The following TTC29 variants were observed in gnomAD, a reference collection of about 807,000 sequenced individuals.
TTC29 encodes tetratricopeptide repeat protein 29.
TTC29 carries 49 observed loss-of-function variants against 58.1 expected under a neutral mutation model. That is an observed-to-expected ratio of 0.84 (90% CI 0.67 to 1.07). The LOEUF (loss-of-function observed/expected upper bound fraction) is 1.07. Among genes scored for constraint, TTC29 ranks in the 50% least tolerant of loss-of-function variants. The pLI, the probability that TTC29 is intolerant of heterozygous loss-of-function variation, is 0.00. For synonymous variants in TTC29, 209 were observed against 196.8 expected (o/e 1.06, Z -0.52); for missense variants, 582 against 555.6 (o/e 1.05, Z -0.48).
chr4:146,842,744 G>A (rs935689202), intron 8 of TTC29, among the ~76,000 whole-genome samples: 6 of 152,058 alleles, frequency 3.9e-5, no homozygotes, highest in African/African-American at 1.4e-4. Flanking sequence ...AATCCAAATT[G>A]TGTCATTTTA....
intron 11 of TTC29, among the ~76,000 whole-genome samples, chr4:146,783,984 T>TAAAG (rs1748816294): frequency 6.6e-6 from 1 of 151,782 alleles, no homozygotes; most frequent in Non-Finnish European, 1.5e-5. Flanking sequence ...CTAACCTTTC[T>TAAAG]AAAGACTTGT....
chr4:146,763,027 G>A (rs919260403), intron 11 of TTC29, among the ~76,000 whole-genome samples: 3 of 151,860 alleles, frequency 2.0e-5, no homozygotes, highest in Non-Finnish European at 4.4e-5. Context: ...TAATAGTTCT[G>A]CCCACCTGTT....
chr4:146,847,319 G>C (rs1227957400), intron 8 of TTC29, among the ~76,000 whole-genome samples: 4 of 152,170 alleles, frequency 2.6e-5, no homozygotes, highest in Non-Finnish European at 5.9e-5. Flanking sequence ...CTTCCCAGTA[G>C]AGTTTTGGCC....
At chr4:146,931,596 A>G (rs1735340409) in intron 4 of TTC29, among the ~76,000 whole-genome samples, 1 of 152,230 alleles carries the variant, frequency 6.6e-6, no homozygotes, top group Admixed American at 6.5e-5. Flanking sequence ...CAAGTTTTCA[A>G]CCACAGAAGG....
At chr4:146,851,677 C>T (rs1729525538) in intron 8 of TTC29, among the ~76,000 whole-genome samples, 2 of 152,104 alleles carry the variant, frequency 1.3e-5, no homozygotes, top group African/African-American at 4.8e-5. Context: ...AATAATATTA[C>T]TTTTTCTTTT....
At chr4:146,925,029 T>C (rs1734834097) in intron 4 of TTC29, among the ~76,000 whole-genome samples, 1 of 152,062 alleles carries the variant, frequency 6.6e-6, no homozygotes, top group African/African-American at 2.4e-5. Context: ...CAAAACTCTT[T>C]CTGCTATCAT....
intron 11 of TTC29, among the ~76,000 whole-genome samples, chr4:146,798,673 G>A (rs1251533810): frequency 4.6e-5 from 7 of 151,582 alleles, no homozygotes; most frequent in Non-Finnish European, 8.8e-5. Flanking sequence ...GGTGGATCAC[G>A]AGGTCAGATT....
At chr4:146,737,636 A>T (rs901774236) in intron 11 of TTC29, among the ~76,000 whole-genome samples, 1 of 147,274 alleles carries the variant, frequency 6.8e-6, no homozygotes, top group Non-Finnish European at 1.5e-5. Context: ...ATAGCCACTG[A>T]CTTTGGAGTG....
chr4:146,750,313 C>T (rs901462107), intron 11 of TTC29, among the ~76,000 whole-genome samples: 3 of 152,122 alleles, frequency 2.0e-5, no homozygotes, highest in Admixed American at 2.0e-4. Context: ...GGCCCTATAC[C>T]TGCCTTTTAA....
intron 11 of TTC29, among the ~76,000 whole-genome samples, chr4:146,734,408 T>C (rs900951975): frequency 3.3e-5 from 5 of 152,134 alleles, no homozygotes; most frequent in Admixed American, 1.3e-4. Flanking sequence ...ATTTGCAATG[T>C]CCTTATAATA....
intron 11 of TTC29, among the ~76,000 whole-genome samples, chr4:146,728,141 G>A (rs952522019): frequency 6.6e-6 from 1 of 151,850 alleles, no homozygotes; most frequent in African/African-American, 2.4e-5. Context: ...ACAAAAATTA[G>A]CCGGGCGAGG....
At chr4:146,792,763 G>T (rs1055856812) in intron 11 of TTC29, among the ~76,000 whole-genome samples, 1 of 152,170 alleles carries the variant, frequency 6.6e-6, no homozygotes, top group Non-Finnish European at 1.5e-5. Context: ...TCTGGTAAAA[G>T]TAAATGGAAA....
At chr4:146,728,427 A>G (rs1743951897) in intron 11 of TTC29, among the ~76,000 whole-genome samples, 1 of 151,952 alleles carries the variant, frequency 6.6e-6, no homozygotes, top group Non-Finnish European at 1.5e-5. Flanking sequence ...TAAGGCTTTT[A>G]AAATTTGCTT....
At chr4:146,825,639 T>A (rs1465486652) in intron 9 of TTC29, among the ~76,000 whole-genome samples, 5 of 152,186 alleles carry the variant, frequency 3.3e-5, no homozygotes, top group Non-Finnish European at 5.9e-5. Flanking sequence ...AGAGCTGAGT[T>A]CAAGTCCTGA....
chr4:146,709,858 T>A (rs1042681313), intron 11 of TTC29, among the ~76,000 whole-genome samples: 5 of 152,154 alleles, frequency 3.3e-5, no homozygotes, highest in Admixed American at 3.3e-4. Context: ...ACCTACTGCT[T>A]CTGTTCTGTA....
At chr4:146,738,506 A>T (rs747477953) in intron 11 of TTC29, among the ~76,000 whole-genome samples, 3 of 148,964 alleles carry the variant, frequency 2.0e-5, no homozygotes, top group African/African-American at 7.4e-5. Context: ...AAGATTGCAT[A>T]TTTTTTTTTT....
chr4:146,819,977 T>C (rs948340524), intron 10 of TTC29, 148 bp downstream of exon 10: 2 of 1,029,700 alleles, frequency 1.9e-6, no homozygotes, highest in Non-Finnish European at 2.9e-6. Context: ...GTCCTTGCCA[T>C]GGACATTAAC....
At chr4:146,781,660 A>G (rs1748616769) in intron 11 of TTC29, among the ~76,000 whole-genome samples, 4 of 151,998 alleles carry the variant, frequency 2.6e-5, no homozygotes, top group Admixed American at 2.6e-4. Context: ...CTTCATTACA[A>G]GTAAGGCTCA....
intron 10 of TTC29, among the ~76,000 whole-genome samples, chr4:146,807,322 T>G (rs570584231): frequency 2.4e-4 from 36 of 151,798 alleles, no homozygotes; most frequent in Admixed American, 1.0e-3. Flanking sequence ...ACATCACAAT[T>G]AAAAGAACTA....
Sources: allele counts gnomAD v4.1 joint callset (sites outside exome capture counted in the v4.1 genomes callset), GRCh38; gene constraint gnomAD v4.1.1; transcripts MANE v1.5; gene names NCBI Gene and HGNC (gene_info 2026-07-23, HGNC 2026-07-21).